The following MACROD2 variants were observed in gnomAD, a reference collection of about 807,000 sequenced individuals.
MACROD2 encodes the protein mono-ADP ribosylhydrolase 2.
MACROD2 carries 36 observed loss-of-function variants against 70.4 expected under a neutral mutation model. That is an observed-to-expected ratio of 0.51 (90% CI 0.39 to 0.68). MACROD2 has a LOEUF of 0.68. Ranked by LOEUF, MACROD2 falls within the 30% of genes least tolerant of loss-of-function variation. The pLI, the probability that MACROD2 is intolerant of heterozygous loss-of-function variation, is 0.00. For synonymous variants in MACROD2, 172 were observed against 178.8 expected, an observed-to-expected ratio of 0.96 and a Z score of 0.30; for missense variants, 496 against 538.4, an observed-to-expected ratio of 0.92 and a Z score of 0.78.
At chr20:14,770,604 A>G (rs1357520731) in intron 5 of MACROD2, among the ~76,000 whole-genome samples, 1 of 152,048 alleles carries the variant, frequency 6.6e-6, no homozygotes, top group Non-Finnish European at 1.5e-5. Context: ...ATATTTTATG[A>G]TGATGTCTGT....
chr20:15,000,233 A>G (rs2074982279), intron 5 of MACROD2, among the ~76,000 whole-genome samples: 1 of 152,190 alleles, frequency 6.6e-6, no homozygotes, highest in African/African-American at 2.4e-5. Context: ...AGAAAGCAAA[A>G]CAAAACACAA....
intron 6 of MACROD2, among the ~76,000 whole-genome samples, chr20:15,370,343 A>G (rs2045474287): frequency 6.6e-6 from 1 of 152,112 alleles, no homozygotes. Flanking sequence ...GAGCTTCATT[A>G]ACTAGCACTT....
chr20:14,571,308 C>T (rs1167631097), intron 4 of MACROD2, among the ~76,000 whole-genome samples: 1 of 151,922 alleles, frequency 6.6e-6, no homozygotes, highest in African/African-American at 2.4e-5. Flanking sequence ...TATCTTATAT[C>T]CTTCTTAGGA....
At chr20:14,605,586 C>A (rs962754172) in intron 4 of MACROD2, among the ~76,000 whole-genome samples, 2 of 151,980 alleles carry the variant, frequency 1.3e-5, no homozygotes, top group African/African-American at 2.4e-5. Flanking sequence ...GTTTTCTAAC[C>A]CTAACTGTCA....
At chr20:15,450,259 A>C (rs1010764233) in intron 7 of MACROD2, among the ~76,000 whole-genome samples, 31 of 151,966 alleles carry the variant, frequency 2.0e-4, no homozygotes, top group Admixed American at 5.2e-4. Context: ...TATATTACAA[A>C]AAGTTATAAA....
intron 3 of MACROD2, among the ~76,000 whole-genome samples, chr20:14,416,552 A>G (rs2083807588): frequency 6.6e-6 from 1 of 152,228 alleles, no homozygotes; most frequent in Non-Finnish European, 1.5e-5. Context: ...ATTTGCATGC[A>G]TAAGAAAAAA....
intron 15 of MACROD2, among the ~76,000 whole-genome samples, chr20:15,995,330 T>G (rs2066612618): frequency 6.6e-6 from 1 of 151,614 alleles, no homozygotes; most frequent in Non-Finnish European, 1.5e-5. Flanking sequence ...GTCTTTTTTT[T>G]TTTTTAACTT....
intron 4 of MACROD2, among the ~76,000 whole-genome samples, chr20:14,652,547 A>G (rs146476946): frequency 6.6e-6 from 1 of 152,186 alleles, no homozygotes; most frequent in Non-Finnish European, 1.5e-5. Flanking sequence ...TTGGAAGTTT[A>G]AAAACAACAG....
chr20:14,477,696 T>A (rs1696618375), intron 3 of MACROD2, among the ~76,000 whole-genome samples: 1 of 152,152 alleles, frequency 6.6e-6, no homozygotes, highest in Non-Finnish European at 1.5e-5. Flanking sequence ...ATCATTATCG[T>A]TAATATTTTA....
chr20:14,398,043 G>A (rs764219736), intron 3 of MACROD2, among the ~76,000 whole-genome samples: 10 of 151,892 alleles, frequency 6.6e-5, no homozygotes, highest in Non-Finnish European at 1.5e-4. Flanking sequence ...GTTCATCCAC[G>A]TTGCCATGGA....
intron 5 of MACROD2, among the ~76,000 whole-genome samples, chr20:15,119,472 G>C (rs939563433): frequency 1.3e-5 from 2 of 152,198 alleles, no homozygotes; most frequent in Admixed American, 1.3e-4. Context: ...AGACATAGTA[G>C]TGAGGATGAC....
chr20:14,594,838 G>A (rs1384432411), intron 4 of MACROD2, among the ~76,000 whole-genome samples: 1 of 152,206 alleles, frequency 6.6e-6, no homozygotes, highest in Non-Finnish European at 1.5e-5. Context: ...GTTGCAGTGA[G>A]CTGAGATTGC....
chr20:14,271,838 G>A (rs1315493661), intron 3 of MACROD2, among the ~76,000 whole-genome samples: 9 of 152,168 alleles, frequency 5.9e-5, no homozygotes, highest in Admixed American at 1.3e-4. Context: ...CGAGAACTAC[G>A]TGAAGAACAC....
intron 5 of MACROD2, among the ~76,000 whole-genome samples, chr20:15,014,796 G>C (rs1432486405): frequency 6.6e-6 from 1 of 152,040 alleles, no homozygotes; most frequent in African/African-American, 2.4e-5. Context: ...ATCCGTAACA[G>C]ATTTGCCAAC....
chr20:16,044,545 A>G (rs370532736), intron 16 of MACROD2, 26 bp from the exon 17 acceptor site: 222 of 1,534,146 alleles, frequency 1.4e-4, no homozygotes, highest in Non-Finnish European at 1.9e-4. Flanking sequence ...ATGAATATTT[A>G]ACTTTTTTTT....
rs184318284 is a variant in MACROD2, at chr20:14,087,762, T to G, written c.271+2034T>G. Reference sequence around the variant, plus strand: ...GTCTCAGGAAGTCCTCTCCTGTAGTTTTAATAAGATATCACTATAGCTAGT... The same window carrying G: ...GTCTCAGGAAGTCCTCTCCTGTAGTGTTAATAAGATATCACTATAGCTAGT... On this transcript the variant is annotated intron_variant, in intron 3 of 17. Transcript: ENST00000684519. 3.9e-3 allele frequency among the ~76,000 whole-genome samples: 587 copies of G among 152,228 alleles called. 3 individuals are homozygous for G. Among genetic ancestry groups the G allele is most frequent in the South Asian group, 0.012 (56 of 4,826 alleles).
At chr20:15,610,552 C>A (rs1600664533) in intron 8 of MACROD2, among the ~76,000 whole-genome samples, 1 of 152,140 alleles carries the variant, frequency 6.6e-6, no homozygotes, top group African/African-American at 2.4e-5. Flanking sequence ...TAGGATCCAT[C>A]CAGAGATGCA....
chr20:14,835,922 G>C (rs2073024333), intron 5 of MACROD2, among the ~76,000 whole-genome samples: 1 of 151,928 alleles, frequency 6.6e-6, no homozygotes, highest in East Asian at 1.9e-4. Context: ...GGGCAAGTGG[G>C]TTACAGACAT....
At chr20:15,867,778 C>G (rs550712464) in intron 9 of MACROD2, among the ~76,000 whole-genome samples, 1 of 151,996 alleles carries the variant, frequency 6.6e-6, no homozygotes, top group Non-Finnish European at 1.5e-5. Context: ...AAAGAACATA[C>G]GGTTTATAAC....
Sources: allele counts gnomAD v4.1 joint callset (sites outside exome capture counted in the v4.1 genomes callset), GRCh38; gene constraint gnomAD v4.1.1; transcripts MANE v1.5; gene names NCBI Gene and HGNC (gene_info 2026-07-23, HGNC 2026-07-21).